PAH: variants seen among roughly 807,000 people sequenced by gnomAD.
PAH encodes the protein phenylalanine-4-hydroxylase.
In PAH, 64 loss-of-function variants were observed where a neutral mutation model predicts 62.0. That is an observed-to-expected ratio of 1.03 (90% confidence interval 0.84 to 1.27). The LOEUF (loss-of-function observed/expected upper bound fraction) is 1.27, where lower values mean the gene tolerates loss of function less well. Among genes scored for constraint, PAH ranks in the 50% most tolerant of loss-of-function variants. The pLI is 0.00. For synonymous variants in PAH, 195 were observed against 196.2 expected (o/e 0.99, Z 0.05); for missense variants, 579 against 542.8 (o/e 1.07, Z -0.66).
intron 1 of PAH, among the ~76,000 whole-genome samples, chr12:102,945,538 C>T (rs960164817): frequency 3.3e-5 from 5 of 152,176 alleles, no homozygotes; most frequent in Admixed American, 2.6e-4. Flanking sequence ...ATTCTTCCCT[C>T]CCCTTTCCAC....
At chr12:102,856,720 CAG>C (rs1875453068) in intron 5 of PAH, among the ~76,000 whole-genome samples, 1 of 152,228 alleles carries the variant, frequency 6.6e-6, no homozygotes, top group African/African-American at 2.4e-5. Flanking sequence ...CCCAGGCAAA[CAG>C]GGTCTGGAGT....
intron 2 of PAH, among the ~76,000 whole-genome samples, chr12:102,905,763 G>A (rs781277807): frequency 1.8e-4 from 28 of 151,444 alleles, no homozygotes; most frequent in African/African-American, 4.1e-4. Context: ...ACCCCTTCCC[G>A]GGCAATAGCT....
intron 3 of PAH, among the ~76,000 whole-genome samples, chr12:102,888,767 C>A (rs1178749309): frequency 1.3e-5 from 2 of 151,888 alleles, no homozygotes; most frequent in Admixed American, 6.6e-5. Context: ...CCCCAGCTGC[C>A]AGGACTTAGT....
chr12:102,917,664 A>C (rs1455557003), upstream of PAH: 1 of 196,952 alleles, frequency 5.1e-6, no homozygotes, highest in Non-Finnish European at 1.1e-5. Flanking sequence ...GTTAACCTCT[A>C]AGCACACTGC....
intron 3 of PAH, among the ~76,000 whole-genome samples, chr12:102,887,885 A>C (rs1289814759): frequency 1.3e-5 from 2 of 152,194 alleles, no homozygotes; most frequent in Non-Finnish European, 2.9e-5. Context: ...CATGATGGCA[A>C]AGTGATATTT....
At chr12:102,931,694 G>A (rs770208811) in intron 1 of PAH, among the ~76,000 whole-genome samples, 14 of 152,136 alleles carry the variant, frequency 9.2e-5, no homozygotes, top group East Asian at 1.9e-4. Flanking sequence ...ATTGGTCTCC[G>A]TTAGCACCCT....
At chr12:102,841,269 A>T (rs904326610) in intron 11 of PAH, among the ~76,000 whole-genome samples, 1 of 152,168 alleles carries the variant, frequency 6.6e-6, no homozygotes, top group Non-Finnish European at 1.5e-5. Context: ...GAGGGCCTCT[A>T]TGAGGGACAT....
intron 3 of PAH, among the ~76,000 whole-genome samples, chr12:102,878,963 A>G (rs1378247781): frequency 6.6e-6 from 1 of 152,150 alleles, no homozygotes; most frequent in Non-Finnish European, 1.5e-5. Flanking sequence ...AGAGAGCCAA[A>G]ATAGACGTGG....
intron 5 of PAH, among the ~76,000 whole-genome samples, chr12:102,858,328 A>G (rs1875541551): frequency 6.6e-6 from 1 of 152,226 alleles, no homozygotes; most frequent in Non-Finnish European, 1.5e-5. Context: ...TCATAAAGCA[A>G]GTCGTTAGAG....
intron 10 of PAH, 116 bp downstream of exon 10, chr12:102,844,220 C>T: frequency 1.3e-6 from 1 of 753,714 alleles, no homozygotes. Flanking sequence ...AGAATGAGTT[C>T]CCAGGTTGCA....
At chr12:102,953,258 T>C (rs1377507873), upstream of PAH, 2 of 152,212 alleles carry the variant, frequency 1.3e-5, no homozygotes, top group Non-Finnish European at 2.9e-5. Flanking sequence ...TTCATCTTTG[T>C]ATTCCCTTTG....
chr12:102,845,617 C>T lies in PAH; in HGVS notation c.970-1186G>A, dbSNP rs973094240. ...TAAGAGGAACCCAGAGCTCAGTTAG[C>T]TGCTGGAGACAGTCACAGTTTTGGA... On this transcript the variant is annotated intron_variant, in intron 9 of 12. Transcript: ENST00000553106. Among the ~76,000 whole-genome samples, 4 of 152,142 alleles carry T rather than the reference C, an allele frequency of 2.6e-5. No homozygotes were observed. In the South Asian group the frequency reaches 8.3e-4, roughly 32 times the overall value.
intron 2 of PAH, among the ~76,000 whole-genome samples, chr12:102,895,522 A>C (rs937289450): frequency 6.6e-6 from 1 of 152,152 alleles, no homozygotes; most frequent in Non-Finnish European, 1.5e-5. Context: ...GTAAATGCTC[A>C]GTAAAAATTA....
rs199565868 is a variant in PAH at position 102,912,894 on chromosome 12, G to T, written c.65C>A (p.Thr22Lys). 6.5e-5 allele frequency: 104 copies of T among 1,597,944 alleles called. No individual in the cohort carries two copies. The highest frequency in any genetic ancestry group is 8.5e-5 in the Non-Finnish European group (99 of 1,165,454). The change falls in exon 2 of 13, where the codon ACA (threonine) becomes AAA (lysine). Residue 22 changes from threonine to lysine, a missense_variant. Coordinates refer to ENST00000553106, the MANE Select transcript of PAH (RefSeq NM_000277.3). ...GRKLSDFGQE[T>K]SYIEDNCNQN... ...ATTGCAGTTGTCTTCAATATAGCTT[G>T]TTTCCTACAGGATAAGATGCATTTG...
chr12:102,927,478 C>T (rs897686876), intron 1 of PAH, among the ~76,000 whole-genome samples: 1 of 146,086 alleles, frequency 6.8e-6, no homozygotes, highest in African/African-American at 2.8e-5. Flanking sequence ...ATCCTCAGGA[C>T]TAAGCATGGT....
At chr12:102,876,548 G>A (rs1317270213) in intron 4 of PAH, among the ~76,000 whole-genome samples, 1 of 152,246 alleles carries the variant, frequency 6.6e-6, no homozygotes, top group African/African-American at 2.4e-5. Flanking sequence ...CTGTGGAAGT[G>A]TAAATGCTTC....
At chr12:102,874,556 TA>T (rs1316514647) in intron 4 of PAH, among the ~76,000 whole-genome samples, 13 of 152,080 alleles carry the variant, frequency 8.5e-5, no homozygotes, top group African/African-American at 4.8e-5. Context: ...ATATTCAAAT[TA>T]AAAAAGGAAT....
intron 2 of PAH, among the ~76,000 whole-genome samples, chr12:102,898,828 T>C (rs1011917695): frequency 6.6e-6 from 1 of 152,222 alleles, no homozygotes; most frequent in Admixed American, 6.5e-5. Context: ...AATATCAACT[T>C]TGATTATTAT....
intron 1 of PAH, among the ~76,000 whole-genome samples, chr12:102,949,265 C>T (rs1404523008): frequency 6.6e-6 from 1 of 152,132 alleles, no homozygotes; most frequent in Non-Finnish European, 1.5e-5. Flanking sequence ...TTCTGGCTAC[C>T]AAGAGCCATA....
Sources: allele counts gnomAD v4.1 joint callset (sites outside exome capture counted in the v4.1 genomes callset), GRCh38; gene constraint gnomAD v4.1.1; transcripts MANE v1.5; gene names NCBI Gene and HGNC (gene_info 2026-07-23, HGNC 2026-07-21).